The following PRUNE2 variants were observed in gnomAD, a reference collection of about 807,000 sequenced individuals.
PRUNE2 encodes the protein protein prune homolog 2.
Under a neutral mutation model 252.0 loss-of-function variants are expected in PRUNE2, and 164 were observed. The observed-to-expected ratio is 0.65, with a 90% confidence interval of 0.57 to 0.74. The LOEUF (loss-of-function observed/expected upper bound fraction) is 0.74. PRUNE2 is among the 30% of genes least tolerant of loss of function. PRUNE2 has a pLI of 0.00. For missense variants in PRUNE2, 3,495 were observed against 3,711.0 expected (o/e 0.94, Z 1.51); for synonymous variants, 1,292 against 1,350.2 (o/e 0.96, Z 0.94).
chr9:76,890,907 G>A (rs538435910), intron 1 of PRUNE2, among the ~76,000 whole-genome samples: 45 of 152,266 alleles, frequency 3.0e-4, no homozygotes, highest in African/African-American at 1.0e-3. Flanking sequence ...ATTCACCAGC[G>A]TGAATTAATC....
intron 1 of PRUNE2, among the ~76,000 whole-genome samples, chr9:76,892,887 T>C (rs570533541): frequency 6.6e-6 from 1 of 152,352 alleles, no homozygotes; most frequent in South Asian, 2.1e-4. Flanking sequence ...ATGAGGAAAC[T>C]GAAATAGATG....
chr9:76,846,841 T>C (rs2059694889), intron 3 of PRUNE2, among the ~76,000 whole-genome samples, 163 bp from the exon 4 acceptor site: 1 of 152,202 alleles, frequency 6.6e-6, no homozygotes. Flanking sequence ...TCTACGTATT[T>C]TCACATTTCA....
intron 4 of PRUNE2, among the ~76,000 whole-genome samples, chr9:76,829,524 C>T (rs896545439): frequency 1.3e-5 from 2 of 152,162 alleles, no homozygotes; most frequent in East Asian, 3.8e-4. Context: ...TTTATTGGAA[C>T]ACAGCCATGT....
intron 6 of PRUNE2, among the ~76,000 whole-genome samples, chr9:76,743,503 C>T (rs2135593092): frequency 6.6e-6 from 1 of 152,120 alleles, no homozygotes; most frequent in Middle Eastern, 3.4e-3. Flanking sequence ...CAGTCATGTC[C>T]CAACCAATCA....
intron 6 of PRUNE2, among the ~76,000 whole-genome samples, chr9:76,776,018 C>G (rs929023354): frequency 6.6e-6 from 1 of 152,200 alleles, no homozygotes; most frequent in Non-Finnish European, 1.5e-5. Context: ...AGAAAGAACA[C>G]TGATACTACT....
At position 76,722,670 on chromosome 9, in the gene PRUNE2, T is replaced by C. The variant is rs572627869; in HGVS notation, c.757-8949A>G. Among the ~76,000 whole-genome samples, 3 of 152,358 alleles carry C rather than the reference T, an allele frequency of 2.0e-5. No individual in the cohort carries two copies. The South Asian group carries it at 6.2e-4, about 32-fold the overall frequency. Reference sequence around the variant, plus strand: ...CCTCTGCATTAAGTGCTCTGTTAAGTACTTTGCATCATCTCATCTAAACTT... The same window carrying C: ...CCTCTGCATTAAGTGCTCTGTTAAGCACTTTGCATCATCTCATCTAAACTT... On this transcript the variant is annotated intron_variant, in intron 6 of 18. Coordinates refer to ENST00000376718, the MANE Select transcript of PRUNE2 (RefSeq NM_015225.3).
Position 76,786,395 on chromosome 9 carries a change from C to T in PRUNE2, c.756+37237G>A, listed in dbSNP as rs184977280. The T allele has an allele frequency of 6.2e-3, 953 of 152,514 alleles. 5 individuals are homozygous for T. The highest frequency in any genetic ancestry group is 0.017 in the Middle Eastern group (5 of 294). The allele number at this position is 152,514 out of a possible 1,614,324, so 9.4% of individuals were successfully genotyped here. A position where few individuals can be genotyped will look rare whatever the true frequency, so the allele number is the denominator to read the frequency against. On this transcript the variant is annotated intron_variant, in intron 6 of 18. Coordinates refer to ENST00000376718, the MANE Select transcript of PRUNE2 (RefSeq NM_015225.3). ...AAAGAACTCTGAGCTGTCATCGTCC[C>T]CATCTCTGTGAGCCACAACCAACAG... is the stretch of plus-strand genomic sequence containing the variant.
At chr9:76,647,895 G>C (rs1845613798) in intron 11 of PRUNE2, among the ~76,000 whole-genome samples, 2 of 152,174 alleles carry the variant, frequency 1.3e-5, no homozygotes, top group African/African-American at 4.8e-5. Context: ...CCAAGAGCTA[G>C]AGGTTGCAGT....
intron 17 of PRUNE2, 68 bp downstream of exon 17, chr9:76,624,384 T>A: frequency 8.9e-7 from 1 of 1,125,094 alleles, no homozygotes; most frequent in Non-Finnish European, 1.2e-6. Context: ...GGCATGCAGA[T>A]TTTCCCAATT....
chr9:76,875,414 G>A (rs2061422843), intron 1 of PRUNE2, among the ~76,000 whole-genome samples: 1 of 152,158 alleles, frequency 6.6e-6, no homozygotes, highest in Non-Finnish European at 1.5e-5. Context: ...CGCCCAGGCT[G>A]GAGTGCAGCG....
At chr9:76,847,835 C>CA (rs1370275225) in intron 3 of PRUNE2, among the ~76,000 whole-genome samples, 1 of 152,258 alleles carries the variant, frequency 6.6e-6, no homozygotes. Context: ...ATCCCAGCCT[C>CA]AAAATCAGTC....
At chr9:76,629,693 T>C (rs1836637855) in intron 15 of PRUNE2, among the ~76,000 whole-genome samples, 1 of 152,052 alleles carries the variant, frequency 6.6e-6, no homozygotes. Context: ...TGTTGTTCAA[T>C]AGGGCTCTGG....
intron 9 of PRUNE2, among the ~76,000 whole-genome samples, chr9:76,659,659 C>G (rs1850536901): frequency 1.3e-5 from 2 of 152,002 alleles, no homozygotes; most frequent in Non-Finnish European, 2.9e-5. Context: ...GCATTATATA[C>G]TACAAGTTGA....
In PRUNE2 at chr9:76,693,521, G is replaced by A. The variant is rs532220575; in HGVS notation, c.8276+9816C>T. The stretch of plus-strand genomic sequence containing the variant: ...TGCCGTGGTGTGATGTCAGCTCACT[G>A]CAACCTCTGCCTCCCAGGTTCAATC... On this transcript the variant is annotated intron_variant, in intron 9 of 18. Transcript: ENST00000376718. Among the ~76,000 whole-genome samples the A allele has an allele frequency of 3.2e-3, 464 of 143,514 alleles. 4 individuals are homozygous for A. The highest frequency in any genetic ancestry group is 0.012 in the African/African-American group (445 of 38,240). 94.2% of individuals were successfully genotyped at this position (143,514 alleles called of 152,430 possible). A position where few individuals can be genotyped will look rare whatever the true frequency, so the allele number is the denominator to read the frequency against.
At position 76,615,779 on chromosome 9, in the gene PRUNE2, T is replaced by TTTTG. The variant is rs759272931; in HGVS notation, c.9237-1180_9237-1179insCAAA. 8.7e-4 allele frequency among the ~76,000 whole-genome samples: 122 copies of TTTTG among 140,420 alleles called. 3 individuals carry two copies. In the Middle Eastern group the frequency reaches 0.011, roughly 12 times the overall value. 92.1% of individuals were successfully genotyped at this position (140,420 alleles called of 152,430 possible). A position where few individuals can be genotyped will look rare whatever the true frequency, so the allele number is the denominator to read the frequency against. ...TGTTTTGTGTGTGTGGTTTTTTTTT[T>TTTTG]TTTTTTTTTGAGATGGAGTCTTGCT... On this transcript the variant is annotated intron_variant, in intron 18 of 18. Coordinates refer to ENST00000376718, the MANE Select transcript of PRUNE2 (RefSeq NM_015225.3).
chr9:76,905,814 G>A (rs561693077), intron 1 of PRUNE2, 114 bp downstream of exon 1: 9 of 1,384,082 alleles, frequency 6.5e-6, no homozygotes, highest in South Asian at 1.2e-5. Flanking sequence ...CGCACACCCT[G>A]ATAACTCCGT....
intron 6 of PRUNE2, among the ~76,000 whole-genome samples, chr9:76,742,555 C>G (rs1268845570): frequency 6.6e-6 from 1 of 151,478 alleles, no homozygotes; most frequent in Non-Finnish European, 1.5e-5. Flanking sequence ...GAGGTCAAGG[C>G]TATAGCAAGC....
At chr9:76,879,983 G>A (rs1004022441) in intron 1 of PRUNE2, among the ~76,000 whole-genome samples, 3 of 127,814 alleles carry the variant, frequency 2.3e-5, no homozygotes, top group South Asian at 2.7e-4. Flanking sequence ...GTGCAATCTC[G>A]ACTCACTGCA....
At chr9:76,818,811 TTTAAG>T in intron 6 of PRUNE2, among the ~76,000 whole-genome samples, 1 of 152,296 alleles carries the variant, frequency 6.6e-6, no homozygotes, top group African/African-American at 2.4e-5. Context: ...GTTTTATTCT[TTTAAG>T]TTGTCTGAAA....
Sources: allele counts gnomAD v4.1 joint callset (sites outside exome capture counted in the v4.1 genomes callset), GRCh38; gene constraint gnomAD v4.1.1; transcripts MANE v1.5; gene names NCBI Gene and HGNC (gene_info 2026-07-23, HGNC 2026-07-21).